The following PCDH11X variants were observed in gnomAD, a reference collection of about 807,000 sequenced individuals.
The protein encoded by PCDH11X is protocadherin 11 X-linked.
A neutral mutation model predicts 53.3 loss-of-function variants in PCDH11X; 18 were observed. The observed-to-expected ratio is 0.34, with a 90% CI of 0.23 to 0.50. The LOEUF (loss-of-function observed/expected upper bound fraction) is 0.50. PCDH11X is among the 20% of genes least tolerant of loss of function. The pLI is 0.98. For synonymous variants in PCDH11X, 279 were observed against 393.3 expected, an observed-to-expected ratio of 0.71 and a Z score of 3.44; for missense variants, 570 against 1,032.4, an observed-to-expected ratio of 0.55 and a Z score of 6.14.
At chrX:92,347,148 T>C (rs777833928) in intron 8 of PCDH11X, among the ~76,000 whole-genome samples, 42 of 111,987 alleles carry the variant, frequency 3.8e-4, no homozygotes, top group African/African-American at 1.1e-3. Context: ...TATTTTAAAA[T>C]TATTTGCATA....
chrX:92,215,964 G>A (rs1225549052), intron 7 of PCDH11X, among the ~76,000 whole-genome samples: 1 of 111,080 alleles, frequency 9.0e-6, no homozygotes, highest in Admixed American at 9.6e-5. Flanking sequence ...TGGACCTCTA[G>A]CAAACTCCAA....
rs200626093 is a variant in PCDH11X at position 92,125,264 on chromosome X, G to C, written c.3034-76111G>C. 7.7e-4 allele frequency among the ~76,000 whole-genome samples: 86 copies of C among 111,486 alleles called. 1 individual carries two copies. In the East Asian group the frequency reaches 0.023, roughly 30 times the overall value. Reference sequence around the variant, plus strand: ...GGCATTAAAAAATTACAATGGTAATGCATGCAATAAAGTTATTCATATTGA... The same window carrying C: ...GGCATTAAAAAATTACAATGGTAATCCATGCAATAAAGTTATTCATATTGA... On this transcript the variant is annotated intron_variant, in intron 6 of 10. Transcript: ENST00000682573.
rs1466599795 is a variant in PCDH11X, at chrX:92,374,586, T to C, written c.3145-13149T>C. ...CAAATGAATATTAGATGTGGAAGCTTCACAATATGCCACATTTCTGGTATG... is the reference window on the plus strand; with the variant it reads ...CAAATGAATATTAGATGTGGAAGCTCCACAATATGCCACATTTCTGGTATG... On this transcript the variant is annotated intron_variant, in intron 8 of 10. Transcript: ENST00000682573. Among the ~76,000 whole-genome samples the C allele has an allele frequency of 3.1e-4, 34 of 111,354 alleles. 2 individuals are homozygous for C. The Admixed American group carries it at 3.1e-3, about 10-fold the overall frequency.
intron 10 of PCDH11X, among the ~76,000 whole-genome samples, chrX:92,478,607 G>T (rs2073438569): frequency 9.2e-6 from 1 of 108,719 alleles, no homozygotes; most frequent in Admixed American, 1.0e-4. Context: ...CTTGATTTCT[G>T]CCTCAATTTC....
chrX:92,268,300 GT>G (rs199740544), intron 8 of PCDH11X, among the ~76,000 whole-genome samples: 28 of 103,998 alleles, frequency 2.7e-4, no homozygotes, highest in Admixed American at 1.9e-3. Context: ...AGTATGTTTT[GT>G]TTTTTTTTTA....
chrX:92,376,736 G>A (rs2070761758), intron 8 of PCDH11X, among the ~76,000 whole-genome samples: 1 of 110,598 alleles, frequency 9.0e-6, no homozygotes, highest in Non-Finnish European at 1.9e-5. Flanking sequence ...ATCACTTTTT[G>A]CAAAAATAAA....
At chrX:92,033,453 T>C (rs1189028577) in intron 6 of PCDH11X, among the ~76,000 whole-genome samples, 1 of 109,294 alleles carries the variant, frequency 9.1e-6, no homozygotes, top group Admixed American at 9.9e-5. Flanking sequence ...TTTGGATTTC[T>C]GCATGGTTCA....
At chrX:92,010,063 A>C (rs2062665025) in intron 6 of PCDH11X, among the ~76,000 whole-genome samples, 1 of 111,092 alleles carries the variant, frequency 9.0e-6, no homozygotes, top group African/African-American at 3.3e-5. Context: ...CAGAGACAAT[A>C]TCTCTACAAA....
chrX:92,013,569 T>C (rs2062731493), intron 6 of PCDH11X, among the ~76,000 whole-genome samples: 1 of 111,712 alleles, frequency 9.0e-6, no homozygotes, highest in South Asian at 3.7e-4. Context: ...GAGCCTGCAT[T>C]GACAAGTCAA....
chrX:92,254,531 A>T (rs2067525896), intron 7 of PCDH11X, among the ~76,000 whole-genome samples: 1 of 105,627 alleles, frequency 9.5e-6, no homozygotes, highest in Non-Finnish European at 1.9e-5. Flanking sequence ...GTTTCTTCCT[A>T]GTCTCGATGG....
Position 91,945,334 on chromosome X carries a change from T to C in PCDH11X, c.3033+66061T>C, listed in dbSNP as rs1255644521. ...GTGCCGTGTTAATTCCCTTTGCTAA[T>C]GTACTGGCAGTCAAAACTGAAAGGC... is the stretch of plus-strand genomic sequence containing the variant. On this transcript the variant is annotated intron_variant, in intron 6 of 10. Transcript: ENST00000682573. 2.8e-5 allele frequency among the ~76,000 whole-genome samples: 3 copies of C among 106,186 alleles called. No homozygotes were observed. In the East Asian group the frequency reaches 9.1e-4, roughly 32 times the overall value. The allele number at this position is 106,186 out of a possible 115,157, so 92.2% of individuals were successfully genotyped here.
At chrX:92,309,419 G>A (rs1250791506) in intron 8 of PCDH11X, among the ~76,000 whole-genome samples, 1 of 111,573 alleles carries the variant, frequency 9.0e-6, no homozygotes, top group Non-Finnish European at 1.9e-5. Flanking sequence ...ATGATTCCAC[G>A]TTGTCCACCT....
At chrX:92,292,900 A>T (rs1263357012) in intron 8 of PCDH11X, among the ~76,000 whole-genome samples, 2 of 107,062 alleles carry the variant, frequency 1.9e-5, no homozygotes, top group African/African-American at 6.8e-5. Context: ...AACAAGAGAG[A>T]GTGTGCCTAG....
chrX:92,160,475 G>T (rs1422992640), intron 6 of PCDH11X, among the ~76,000 whole-genome samples: 2 of 108,564 alleles, frequency 1.8e-5, no homozygotes, highest in African/African-American at 6.7e-5. Context: ...CCAGGTTGCT[G>T]CAAATGCCAT....
At chrX:92,602,940 A>G (rs1926395829) in intron 10 of PCDH11X, among the ~76,000 whole-genome samples, 1 of 87,007 alleles carries the variant, frequency 1.1e-5, no homozygotes, top group Admixed American at 1.2e-4. Context: ...CTCTGTTGTC[A>G]GATTTAACAG....
At chrX:92,576,681 CA>C (rs772185687) in intron 10 of PCDH11X, among the ~76,000 whole-genome samples, 236 of 110,292 alleles carry the variant, frequency 2.1e-3, no homozygotes, top group Middle Eastern at 0.014. Flanking sequence ...AAAAAGCACA[CA>C]AAAAGAAAAG....
At chrX:92,491,308 G>A (rs953675240) in intron 10 of PCDH11X, among the ~76,000 whole-genome samples, 6 of 110,958 alleles carry the variant, frequency 5.4e-5, no homozygotes, top group South Asian at 3.8e-4. Flanking sequence ...ATGAAGAAGT[G>A]AAATTGAGCA....
chrX:92,416,930 T>A (rs1294265982), intron 9 of PCDH11X, among the ~76,000 whole-genome samples: 3 of 111,639 alleles, frequency 2.7e-5, no homozygotes, highest in Non-Finnish European at 3.8e-5. Flanking sequence ...GGTGGCATTT[T>A]TTTTTAGTTT....
At chrX:92,018,499 C>A (rs1477525859) in intron 6 of PCDH11X, among the ~76,000 whole-genome samples, 1 of 111,788 alleles carries the variant, frequency 8.9e-6, no homozygotes, top group Non-Finnish European at 1.9e-5. Flanking sequence ...ATTAAATATT[C>A]CAAAAGTGGT....
Sources: gnomAD v4.1 joint callset for allele counts (sites outside exome capture counted in the v4.1 genomes callset) on GRCh38, gnomAD v4.1.1 for gene constraint, MANE v1.5 for transcripts, NCBI Gene and HGNC (gene_info 2026-07-23, HGNC 2026-07-21) for gene names.